The following ITCH variants were observed in gnomAD, a reference collection of about 807,000 sequenced individuals.
The protein encoded by ITCH is E3 ubiquitin-protein ligase Itchy homolog.
ITCH carries 28 observed loss-of-function variants against 126.8 expected under a neutral mutation model. That is an observed-to-expected ratio of 0.22 (90% confidence interval 0.16 to 0.30). The LOEUF (loss-of-function observed/expected upper bound fraction) is 0.30. Among genes scored for constraint, ITCH ranks in the 10% least tolerant of loss-of-function variants. The probability of loss-of-function intolerance (pLI) is 1.00; values close to 1 mark genes in which losing one functional copy is unlikely to be tolerated. For missense variants in ITCH, 631 were observed against 1,032.4 expected (o/e 0.61, Z 5.33); for synonymous variants, 342 against 340.0 (o/e 1.01, Z -0.06).
chr20:34,470,438 A>G, intron 15 of ITCH, among the ~76,000 whole-genome samples: 1 of 150,604 alleles, frequency 6.6e-6, no homozygotes, highest in Non-Finnish European at 1.5e-5. Flanking sequence ...ATATATATAT[A>G]TTTCTTTTTT....
chr20:34,496,824 A>T (rs1310846759), intron 23 of ITCH, among the ~76,000 whole-genome samples: 1 of 151,724 alleles, frequency 6.6e-6, no homozygotes, highest in East Asian at 1.9e-4. Flanking sequence ...AAAAAAAAGA[A>T]AAGAGAAAAG....
At chr20:34,366,326 G>A (rs1396798864) in intron 1 of ITCH, among the ~76,000 whole-genome samples, 2 of 152,146 alleles carry the variant, frequency 1.3e-5, no homozygotes, top group South Asian at 2.1e-4. Context: ...GAGCTCAAGT[G>A]ATCTTCCCAC....
chr20:34,393,914 ATTT>A (rs764535173), intron 3 of ITCH, 33 bp downstream of exon 3: 17 of 1,575,494 alleles, frequency 1.1e-5, no homozygotes, highest in Non-Finnish European at 1.2e-5. Flanking sequence ...GCTTTACTTT[ATTT>A]TTCCCCGTAT....
chr20:34,430,292 G>A (rs141192595), intron 7 of ITCH, among the ~76,000 whole-genome samples: 124 of 152,248 alleles, frequency 8.1e-4, no homozygotes, highest in African/African-American at 2.7e-3. Flanking sequence ...GCCTGAGCTC[G>A]TAACTATCAT....
Position 34,400,650 on chromosome 20 carries a change from T to TC in ITCH, c.70+6769_70+6770insC, listed in dbSNP as rs1409825578. On this transcript the variant is annotated intron_variant, in intron 3 of 24. Transcript: ENST00000374864. ...TAGAAAGAGAAAAAAATTTTTCTTTTTTTTTTTTTTTTTTTGAGACAGTTT... is the reference window on the plus strand; with the variant it reads ...TAGAAAGAGAAAAAAATTTTTCTTTTCTTTTTTTTTTTTTTTGAGACAGTTT... Among the ~76,000 whole-genome samples the TC allele has an allele frequency of 1.0e-3, 154 of 148,640 alleles. 1 individual carries two copies. The highest frequency in any genetic ancestry group is 3.5e-3 in the African/African-American group (140 of 40,462).
At chr20:34,464,965 C>T (rs540371512) in intron 14 of ITCH, among the ~76,000 whole-genome samples, 4 of 152,176 alleles carry the variant, frequency 2.6e-5, no homozygotes, top group Non-Finnish European at 5.9e-5. Context: ...CCCCCTCAGC[C>T]TCCCAAAGAG....
chr20:34,413,442 T>C (rs1315018882), intron 5 of ITCH, among the ~76,000 whole-genome samples: 1 of 152,184 alleles, frequency 6.6e-6, no homozygotes, highest in Non-Finnish European at 1.5e-5. Context: ...ATAATCCTTA[T>C]TCTTATGCTA....
intron 8 of ITCH, among the ~76,000 whole-genome samples, chr20:34,439,583 T>C (rs1024948082): frequency 6.6e-6 from 1 of 152,238 alleles, no homozygotes; most frequent in Admixed American, 6.5e-5. Flanking sequence ...CATCTTCCCC[T>C]TTTATAGATA....
intron 3 of ITCH, among the ~76,000 whole-genome samples, chr20:34,407,938 T>A (rs1978363987): frequency 6.6e-6 from 1 of 152,226 alleles, no homozygotes; most frequent in African/African-American, 2.4e-5. Flanking sequence ...ATTCAGATGT[T>A]TGTTGACCAT....
chr20:34,437,022 G>A lies in ITCH; in HGVS notation c.522-1452G>A, dbSNP rs532472697. On this transcript the variant is annotated intron_variant, in intron 7 of 24. Transcript: ENST00000374864. ...CAGGTGCCTGTAGTCCTACCTACTC[G>A]GGAGGCTGAGGCATGAGAACTGCTA... Among the ~76,000 whole-genome samples, 183 of 152,000 alleles carry A rather than the reference G, an allele frequency of 1.2e-3. 1 individual carries two copies. The highest frequency in any genetic ancestry group is 2.0e-3 in the Non-Finnish European group (139 of 67,946).
At chr20:34,452,855 T>G (rs971275872) in intron 12 of ITCH, among the ~76,000 whole-genome samples, 18 of 152,212 alleles carry the variant, frequency 1.2e-4, no homozygotes, top group Non-Finnish European at 2.6e-4. Flanking sequence ...GAAGAATTTT[T>G]AACACATGAA....
At chr20:34,432,048 C>T (rs1263933883) in intron 7 of ITCH, among the ~76,000 whole-genome samples, 2 of 92,254 alleles carry the variant, frequency 2.2e-5, no homozygotes, top group Admixed American at 2.6e-4. Flanking sequence ...GATTCTATGT[C>T]AAAAAAAAAA....
At chr20:34,401,477 G>C (rs1422254155) in intron 3 of ITCH, 1 of 166,700 alleles carries the variant, frequency 6.0e-6, no homozygotes, top group African/African-American at 2.4e-5. Context: ...GAAAAGAGGA[G>C]GGGTAAGACA....
intron 23 of ITCH, among the ~76,000 whole-genome samples, chr20:34,503,304 T>G (rs1162609516): frequency 6.6e-6 from 1 of 152,170 alleles, no homozygotes; most frequent in African/African-American, 2.4e-5. Flanking sequence ...CCCCTTCTAA[T>G]TAAAATATCT....
intron 6 of ITCH, among the ~76,000 whole-genome samples, chr20:34,415,085 G>T (rs1430155615): frequency 6.6e-6 from 1 of 152,164 alleles, no homozygotes; most frequent in Non-Finnish European, 1.5e-5. Flanking sequence ...TTGAAACATA[G>T]ATTTTAGAGG....
intron 15 of ITCH, among the ~76,000 whole-genome samples, chr20:34,470,401 A>G (rs754481143): frequency 5.9e-4 from 89 of 150,546 alleles, no homozygotes; most frequent in African/African-American, 2.0e-3. Context: ...TGGGCAACAT[A>G]TTGAGGCCTT....
At chr20:34,390,384 C>T (rs2038441390) in intron 2 of ITCH, among the ~76,000 whole-genome samples, 1 of 147,948 alleles carries the variant, frequency 6.8e-6, no homozygotes, top group South Asian at 2.2e-4. Flanking sequence ...AGTTGGCATA[C>T]ATAATTACCA....
At chr20:34,476,561 C>T in intron 16 of ITCH, 1 of 764,722 alleles carries the variant, frequency 1.3e-6, no homozygotes, top group Non-Finnish European at 1.7e-6. Context: ...TATACCTAGC[C>T]TATACTATTT....
rs530895541 is a variant in ITCH at position 34,404,061 on chromosome 20, A to G, written c.71-4590A>G. On this transcript the variant is annotated intron_variant, in intron 3 of 24. Transcript: ENST00000374864. ...TGACATTAATGACATGATCACATCT[A>G]TTCTAGGAAAATAATTCTGGTGGCT... Among the ~76,000 whole-genome samples the G allele has an allele frequency of 6.1e-4, 93 of 152,300 alleles. No homozygotes were observed. In the South Asian group the frequency reaches 0.019, roughly 31 times the overall value.
Sources: gnomAD v4.1 joint callset for allele counts (sites outside exome capture counted in the v4.1 genomes callset) on GRCh38, gnomAD v4.1.1 for gene constraint, MANE v1.5 for transcripts, NCBI Gene and HGNC (gene_info 2026-07-23, HGNC 2026-07-21) for gene names.